The following PLCB4 variants were observed in gnomAD, a reference collection of about 807,000 sequenced individuals.
PLCB4 encodes the protein phospholipase C beta 4, also known as 1-phosphatidylinositol 4,5-bisphosphate phosphodiesterase beta-4.
Under a neutral mutation model 178.8 loss-of-function variants are expected in PLCB4, and 77 were observed. The observed-to-expected ratio is 0.43, with a 90% CI of 0.36 to 0.52. PLCB4 has a LOEUF of 0.52. Ranked by LOEUF, PLCB4 falls within the 20% of genes least tolerant of loss-of-function variation. The pLI is 0.00. For synonymous variants in PLCB4, 496 were observed against 490.8 expected, an observed-to-expected ratio of 1.01 and a Z score of -0.14; for missense variants, 1,024 against 1,453.4, an observed-to-expected ratio of 0.70 and a Z score of 4.80.
intron 34 of PLCB4, among the ~76,000 whole-genome samples, chr20:9,458,244 G>C (rs956065531): frequency 6.6e-6 from 1 of 152,236 alleles, no homozygotes; most frequent in Non-Finnish European, 1.5e-5. Flanking sequence ...AGATGTTCAA[G>C]ATGTTCTTGG....
At chr20:9,071,117 T>C (rs2089551609) in intron 1 of PLCB4, among the ~76,000 whole-genome samples, 1 of 152,102 alleles carries the variant, frequency 6.6e-6, no homozygotes, top group African/African-American at 2.4e-5. Flanking sequence ...GATAAAGAAA[T>C]ATGGTAGTTG....
rs961147171 is a variant in PLCB4, at chr20:9,098,455, G to A, written c.-79+2113G>A. 3.3e-5 allele frequency among the ~76,000 whole-genome samples: 5 copies of A among 151,718 alleles called. 1 individual carries two copies. The highest frequency in any genetic ancestry group is 3.3e-4 in the Admixed American group (5 of 15,208). The stretch of plus-strand genomic sequence containing the variant: ...AACATTAATCTAAAATCCCTCTTGG[G>A]AATAAAAACTCACATATCTGCAAGG... On this transcript the variant is annotated intron_variant, in intron 2 of 39. Coordinates refer to ENST00000378473, the MANE Select transcript of PLCB4 (RefSeq NM_001377142.1).
intron 7 of PLCB4, among the ~76,000 whole-genome samples, chr20:9,359,936 A>T (rs1602094665): frequency 1.3e-5 from 2 of 152,222 alleles, no homozygotes; most frequent in East Asian, 3.9e-4. Flanking sequence ...CCCCAACAAG[A>T]CAAAGAATCA....
chr20:9,298,628 T>A (rs926607764), intron 3 of PLCB4, among the ~76,000 whole-genome samples: 6 of 152,066 alleles, frequency 3.9e-5, no homozygotes, highest in Non-Finnish European at 8.8e-5. Context: ...CTAAACATAT[T>A]TTAGACATGT....
chr20:9,454,142 T>C (rs531045492), intron 33 of PLCB4, among the ~76,000 whole-genome samples: 1 of 152,340 alleles, frequency 6.6e-6, no homozygotes, highest in African/African-American at 2.4e-5. Context: ...GGCTCTTCTT[T>C]TGGATTTGTC....
intron 12 of PLCB4, among the ~76,000 whole-genome samples, chr20:9,379,814 G>T (rs1328657636): frequency 6.6e-6 from 1 of 151,978 alleles, no homozygotes; most frequent in Admixed American, 6.6e-5. Context: ...CTTTTGAAGG[G>T]GAAAAAATGT....
intron 35 of PLCB4, among the ~76,000 whole-genome samples, chr20:9,466,090 T>G (rs1237287657): frequency 1.3e-5 from 2 of 152,074 alleles, no homozygotes; most frequent in African/African-American, 4.8e-5. Flanking sequence ...AACAGAGATA[T>G]AGACCAATGG....
intron 3 of PLCB4, among the ~76,000 whole-genome samples, chr20:9,303,238 A>G (rs1037908798): frequency 1.3e-5 from 2 of 152,202 alleles, no homozygotes; most frequent in African/African-American, 4.8e-5. Flanking sequence ...GTGTGTACAT[A>G]CATGCTATAT....
At chr20:9,313,349 G>T (rs2094858751) in intron 4 of PLCB4, among the ~76,000 whole-genome samples, 3 of 152,172 alleles carry the variant, frequency 2.0e-5, no homozygotes, top group African/African-American at 7.2e-5. Flanking sequence ...GTGCCAGACA[G>T]ATGCTGGAAA....
intron 19 of PLCB4, among the ~76,000 whole-genome samples, chr20:9,398,781 G>A (rs1440630997): frequency 6.6e-6 from 1 of 151,974 alleles, no homozygotes; most frequent in East Asian, 1.9e-4. Flanking sequence ...CTCACTGCAA[G>A]CTCTGCCTCT....
chr20:9,341,530 T>C (rs1330224022), intron 7 of PLCB4, among the ~76,000 whole-genome samples: 1 of 151,986 alleles, frequency 6.6e-6, no homozygotes, highest in African/African-American at 2.4e-5. Flanking sequence ...ATCATAAAAG[T>C]CTTTATCCTC....
intron 34 of PLCB4, among the ~76,000 whole-genome samples, chr20:9,458,263 T>C (rs1568882154): frequency 6.6e-6 from 1 of 152,178 alleles, no homozygotes; most frequent in East Asian, 1.9e-4. Context: ...GGTAGCTGTA[T>C]GTTTTGTAGG....
intron 1 of PLCB4, among the ~76,000 whole-genome samples, chr20:9,092,410 G>GC (rs2090724467): frequency 1.3e-5 from 2 of 152,074 alleles, no homozygotes; most frequent in Admixed American, 1.3e-4. Flanking sequence ...TGAGCCTGTT[G>GC]GGTGAGACAT....
intron 2 of PLCB4, among the ~76,000 whole-genome samples, chr20:9,123,708 A>G (rs987875140): frequency 7.9e-5 from 12 of 152,034 alleles, no homozygotes; most frequent in Non-Finnish European, 1.5e-4. Context: ...ACATAGGTAG[A>G]TAAGTAGGTA....
chr20:9,151,948 G>T (rs1465094390), intron 2 of PLCB4, among the ~76,000 whole-genome samples: 2 of 152,162 alleles, frequency 1.3e-5, no homozygotes, highest in Non-Finnish European at 2.9e-5. Context: ...TGAGGAACTT[G>T]TTGGGAACTG....
At chr20:9,070,037 T>C (rs992563043) in intron 1 of PLCB4, among the ~76,000 whole-genome samples, 9 of 152,198 alleles carry the variant, frequency 5.9e-5, no homozygotes, top group African/African-American at 1.4e-4. Flanking sequence ...TGTTTTTTTT[T>C]CCATATACGT....
intron 30 of PLCB4, among the ~76,000 whole-genome samples, chr20:9,438,849 A>T (rs1210425482): frequency 1.3e-5 from 2 of 152,236 alleles, no homozygotes; most frequent in Non-Finnish European, 2.9e-5. Flanking sequence ...AATTTAAGAC[A>T]TAAAATGGTT....
At chr20:9,093,296 G>A (rs57261053) in intron 1 of PLCB4, among the ~76,000 whole-genome samples, 1,661 of 152,218 alleles carry the variant, frequency 0.011, 27 homozygotes, top group African/African-American at 0.037. Flanking sequence ...GCTGACCTCC[G>A]TCATGTAACT....
intron 2 of PLCB4, among the ~76,000 whole-genome samples, chr20:9,158,594 A>G (rs1279427210): frequency 1.3e-5 from 2 of 150,044 alleles, no homozygotes; most frequent in Non-Finnish European, 3.0e-5. Flanking sequence ...TTTTTTTTTA[A>G]CCGTACAAAA....
Sources: allele counts gnomAD v4.1 joint callset (sites outside exome capture counted in the v4.1 genomes callset), GRCh38; gene constraint gnomAD v4.1.1; transcripts MANE v1.5; gene names NCBI Gene and HGNC (gene_info 2026-07-23, HGNC 2026-07-21).